The following PLPPR5 variants were observed in gnomAD, a reference collection of about 807,000 sequenced individuals.
The protein encoded by PLPPR5 is phospholipid phosphatase related 5, also known as phospholipid phosphatase-related protein type 5.
Under a neutral mutation model 33.9 loss-of-function variants are expected in PLPPR5, and 16 were observed. That is an observed-to-expected ratio of 0.47 (90% CI 0.32 to 0.72). The LOEUF is 0.72. Ranked by LOEUF, PLPPR5 falls within the 30% of genes least tolerant of loss-of-function variation. The pLI is 0.03. For synonymous variants in PLPPR5, 163 were observed against 150.3 expected, an observed-to-expected ratio of 1.08 and a Z score of -0.62; for missense variants, 301 against 406.7, an observed-to-expected ratio of 0.74 and a Z score of 2.23.
At chr1:98,920,284 T>A (rs894902456) in intron 4 of PLPPR5, among the ~76,000 whole-genome samples, 2 of 152,060 alleles carry the variant, frequency 1.3e-5, no homozygotes, top group Non-Finnish European at 2.9e-5. Context: ...CCAGTGAAGA[T>A]GTTATGGACC....
At chr1:98,982,663 A>G (rs562979349) in intron 1 of PLPPR5, among the ~76,000 whole-genome samples, 4 of 152,216 alleles carry the variant, frequency 2.6e-5, no homozygotes, top group Admixed American at 2.0e-4. Flanking sequence ...GTAAAAGCCA[A>G]TTAAGATCTT....
intron 5 of PLPPR5, 138 bp from the exon 6 acceptor site, chr1:98,893,242 G>T: frequency 1.1e-5 from 7 of 651,728 alleles, no homozygotes; most frequent in African/African-American, 3.8e-5. Flanking sequence ...ATTAAACTAA[G>T]TTTTATGTAT....
In PLPPR5 at chr1:98,891,788, T is replaced by C. The variant is rs531888671; in HGVS notation, c.*1284A>G. The C allele has an allele frequency of 2.6e-5, 4 of 152,298 alleles. No individual in the cohort carries two copies. In the East Asian group the frequency reaches 5.8e-4, roughly 22 times the overall value. The allele number at this position is 152,298 out of a possible 1,614,324, so 9.4% of individuals were successfully genotyped here. On this transcript the variant is annotated 3_prime_UTR_variant, in exon 6 of 6. Coordinates refer to ENST00000263177, the MANE Select transcript of PLPPR5 (RefSeq NM_001037317.2). ...TCATATTTGTATTCTGGCATTTCTT[T>C]ATTTTTTGAACCATAGGTAGTTGCC...
chr1:98,988,776 TC>T (rs1198426203), intron 1 of PLPPR5, among the ~76,000 whole-genome samples: 1 of 152,164 alleles, frequency 6.6e-6, no homozygotes, highest in Non-Finnish European at 1.5e-5. Context: ...TCTTAAGTTT[TC>T]CTTGCTTATG....
In PLPPR5 at chr1:99,004,546, G is replaced by A. The variant is rs1308799002; in HGVS notation, c.126C>T (p.Gly42=). Residue 42 remains glycine, a synonymous_variant, in exon 1 of 6, where the codon GGC becomes GGT. Coordinates refer to ENST00000263177, the MANE Select transcript of PLPPR5 (RefSeq NM_001037317.2). ...YTDTFTVNVQ[G]FFCHDSAYRK... The stretch of plus-strand genomic sequence containing the variant: ...GGTAGGCGCTGTCGTGGCAGAAGAA[G>A]CCCTGCACGTTCACGGTGAACGTGT... 6.2e-7 allele frequency: 1 copy of A among 1,613,142 alleles called. No homozygotes were observed. Among genetic ancestry groups the A allele is most frequent in the South Asian group, 1.1e-5 (1 of 91,082 alleles).
At chr1:98,896,816 C>T (rs1445225824) in intron 5 of PLPPR5, among the ~76,000 whole-genome samples, 1 of 151,822 alleles carries the variant, frequency 6.6e-6, no homozygotes. Flanking sequence ...TTCTACACCT[C>T]CACATAGAAA....
At chr1:98,935,694 G>A (rs1235255537) in intron 3 of PLPPR5, among the ~76,000 whole-genome samples, 1 of 152,162 alleles carries the variant, frequency 6.6e-6, no homozygotes, top group Non-Finnish European at 1.5e-5. Context: ...ATTAAGAACA[G>A]TTAAATATAA....
intron 5 of PLPPR5, among the ~76,000 whole-genome samples, chr1:98,900,977 CTAGG>C (rs1240739447): frequency 1.3e-5 from 2 of 152,052 alleles, no homozygotes; most frequent in Non-Finnish European, 1.5e-5. Flanking sequence ...AATCTCACTG[CTAGG>C]TATTTATCTA....
chr1:98,998,752 T>C (rs1387583951), intron 1 of PLPPR5, among the ~76,000 whole-genome samples: 1 of 152,170 alleles, frequency 6.6e-6, no homozygotes, highest in Non-Finnish European at 1.5e-5. Context: ...TTTCATAAAT[T>C]TGTTGTGAAA....
chr1:98,934,094 C>T (rs1476099667), intron 3 of PLPPR5, among the ~76,000 whole-genome samples: 1 of 152,142 alleles, frequency 6.6e-6, no homozygotes, highest in East Asian at 1.9e-4. Flanking sequence ...AAGTTGGAAC[C>T]AGAAGGCAGA....
At chr1:98,950,477 A>G (rs1202398349) in intron 3 of PLPPR5, among the ~76,000 whole-genome samples, 1 of 152,220 alleles carries the variant, frequency 6.6e-6, no homozygotes, top group Non-Finnish European at 1.5e-5. Context: ...AAACAAATAC[A>G]TGCCAGTGGC....
chr1:98,916,861 T>C (rs1414838042), intron 4 of PLPPR5, among the ~76,000 whole-genome samples: 1 of 152,102 alleles, frequency 6.6e-6, no homozygotes, highest in African/African-American at 2.4e-5. Context: ...GGAACAGAGG[T>C]CTTGTTTGTA....
chr1:98,918,964 G>A (rs1195605655), intron 4 of PLPPR5, among the ~76,000 whole-genome samples: 1 of 152,172 alleles, frequency 6.6e-6, no homozygotes, highest in Non-Finnish European at 1.5e-5. Context: ...ACTTCACAGG[G>A]AGCTTACATT....
intron 5 of PLPPR5, among the ~76,000 whole-genome samples, chr1:98,900,404 A>G (rs766889376): frequency 4.5e-4 from 69 of 152,000 alleles, no homozygotes; most frequent in Non-Finnish European, 8.4e-4. Flanking sequence ...GTCTCCCTTT[A>G]TGTGTTCCTC....
At chr1:98,995,982 G>C (rs1001757635) in intron 1 of PLPPR5, among the ~76,000 whole-genome samples, 2 of 151,884 alleles carry the variant, frequency 1.3e-5, no homozygotes, top group East Asian at 3.9e-4. Context: ...CTCAAGTCTA[G>C]TTATGGAAAT....
At chr1:98,911,071 T>C (rs1208236266) in intron 5 of PLPPR5, among the ~76,000 whole-genome samples, 1 of 152,130 alleles carries the variant, frequency 6.6e-6, no homozygotes, top group Non-Finnish European at 1.5e-5. Flanking sequence ...CACAAATACA[T>C]GTCCTCTCAG....
At chr1:98,971,790 T>G (rs1230968042) in intron 1 of PLPPR5, among the ~76,000 whole-genome samples, 1 of 152,036 alleles carries the variant, frequency 6.6e-6, no homozygotes, top group African/African-American at 2.4e-5. Flanking sequence ...AGAAGCAGAC[T>G]CTCTCTGTTC....
chr1:98,899,317 G>GA (rs1648598878), intron 5 of PLPPR5, among the ~76,000 whole-genome samples: 1 of 152,214 alleles, frequency 6.6e-6, no homozygotes, highest in Non-Finnish European at 1.5e-5. Context: ...TTCTGGATCA[G>GA]AATGTCTTGG....
intron 1 of PLPPR5, among the ~76,000 whole-genome samples, chr1:98,990,468 G>A (rs74811132): frequency 0.021 from 3,210 of 152,194 alleles, 46 homozygotes; most frequent in African/African-American, 0.035. Context: ...ATGAATATAT[G>A]TGCTATGTAC....
Sources: allele counts gnomAD v4.1 joint callset (sites outside exome capture counted in the v4.1 genomes callset), GRCh38; gene constraint gnomAD v4.1.1; transcripts MANE v1.5; gene names NCBI Gene and HGNC (gene_info 2026-07-23, HGNC 2026-07-21).